Variants in PM20D2 observed in about 807,000 individuals in gnomAD.
PM20D2 encodes xaa-Arg dipeptidase.
A neutral mutation model predicts 42.9 loss-of-function variants in PM20D2; 33 were observed. The ratio of observed to expected loss-of-function variants is 0.77; its 90% CI spans 0.58 to 1.03. The LOEUF is 1.03. Among genes scored for constraint, PM20D2 ranks in the 50% least tolerant of loss-of-function variants. PM20D2 has a pLI of 0.00. For missense variants in PM20D2, 548 were observed against 557.0 expected, an observed-to-expected ratio of 0.98 and a Z score of 0.16; for synonymous variants, 250 against 228.2, an observed-to-expected ratio of 1.10 and a Z score of -0.86.
chr6:89,153,000 CAAT>C, intron 2 of PM20D2, 40 bp from the exon 3 acceptor site: 1 of 1,478,576 alleles, frequency 6.8e-7, no homozygotes, highest in Non-Finnish European at 9.2e-7. Flanking sequence ...CTTACTTTAG[CAAT>C]AATAACAAAA....
intron 2 of PM20D2, 34 bp from the exon 3 acceptor site, chr6:89,153,009 C>A: frequency 6.5e-7 from 1 of 1,531,646 alleles, no homozygotes; most frequent in East Asian, 2.3e-5. Flanking sequence ...GCAATAATAA[C>A]AAAAGTAATT....
At chr6:89,130,322 C>T in the PM20D2 span, among the ~76,000 whole-genome samples, 2 of 151,932 alleles carry the variant, frequency 1.3e-5, no homozygotes, top group Non-Finnish European at 2.9e-5. Flanking sequence ...TGGTCTCAAA[C>T]TCCTGTGCTC....
At chr6:89,120,174 C>T in the PM20D2 span, among the ~76,000 whole-genome samples, 13 of 152,174 alleles carry the variant, frequency 8.5e-5, no homozygotes, top group Non-Finnish European at 1.5e-4. Context: ...TCCCACAATA[C>T]GTGGGAATTA....
chr6:89,155,460 T>C (rs974507029), intron 4 of PM20D2, among the ~76,000 whole-genome samples: 2 of 151,446 alleles, frequency 1.3e-5, no homozygotes, highest in African/African-American at 4.9e-5. Context: ...GCTAATTTTT[T>C]GTATGTTTTT....
chr6:89,128,088 A>G, the PM20D2 span, among the ~76,000 whole-genome samples: 2,355 of 152,312 alleles, frequency 0.015, 59 homozygotes, highest in African/African-American at 0.052. Flanking sequence ...AGGGAACAAG[A>G]GAAGATAACC....
the PM20D2 span, chr6:89,105,010 C>G: frequency 6.3e-6 from 7 of 1,104,426 alleles, no homozygotes; most frequent in Admixed American, 1.5e-4. Context: ...GGGCCATGAT[C>G]GCACACTACT....
the PM20D2 span, chr6:89,098,812 G>A: frequency 6.2e-7 from 1 of 1,613,896 alleles, no homozygotes; most frequent in East Asian, 2.2e-5. Flanking sequence ...TCTTTTGTAA[G>A]GACTTGGACC....
intron 5 of PM20D2, among the ~76,000 whole-genome samples, chr6:89,160,570 G>C (rs1038055736): frequency 2.0e-5 from 3 of 152,158 alleles, no homozygotes; most frequent in African/African-American, 7.2e-5. Flanking sequence ...TGTTTTTACT[G>C]TGATTTATTC....
intron 4 of PM20D2, 91 bp from the exon 5 acceptor site, chr6:89,158,234 C>T: frequency 1.7e-6 from 2 of 1,163,942 alleles, no homozygotes; most frequent in Non-Finnish European, 2.4e-6. Context: ...CTCTTAAAAC[C>T]TCTTCCTATT....
the PM20D2 span, chr6:89,107,320 C>T: frequency 3.1e-6 from 4 of 1,310,178 alleles, no homozygotes; most frequent in South Asian, 2.5e-5. Context: ...ATTTTGCCTA[C>T]AGAAATCCAC....
chr6:89,140,480 C>T, the PM20D2 span, among the ~76,000 whole-genome samples: 1 of 135,922 alleles, frequency 7.4e-6, no homozygotes, highest in Non-Finnish European at 1.6e-5. Flanking sequence ...TCGAGGTGAA[C>T]ACATTGCTTG....
intron 4 of PM20D2, among the ~76,000 whole-genome samples, chr6:89,155,615 G>C (rs1045497977): frequency 1.3e-5 from 2 of 152,158 alleles, no homozygotes; most frequent in Non-Finnish European, 2.9e-5. Context: ...TGAAGTTAGG[G>C]TGTGTATAGT....
the PM20D2 span, among the ~76,000 whole-genome samples, chr6:89,137,097 T>C: frequency 6.6e-6 from 1 of 151,312 alleles, no homozygotes; most frequent in Admixed American, 6.6e-5. Flanking sequence ...ACTGAAACTT[T>C]ACCAACAATT....
the PM20D2 span, among the ~76,000 whole-genome samples, chr6:89,133,137 G>T: frequency 0.048 from 7,261 of 150,094 alleles, 442 homozygotes; most frequent in African/African-American, 0.096. Flanking sequence ...GCTGAGGTGG[G>T]AGGAACACTT....
the PM20D2 span, chr6:89,117,759 T>C: frequency 3.5e-5 from 51 of 1,474,250 alleles, 1 homozygote; most frequent in South Asian, 4.8e-4. Context: ...TCGGCCGTGC[T>C]CCGCGGCGCG....
upstream of PM20D2, chr6:89,146,001 A>T: frequency 1.6e-6 from 1 of 633,546 alleles, no homozygotes; most frequent in Admixed American, 4.4e-5. Flanking sequence ...CGGCCCCGGG[A>T]CTGGGGGTGG....
chr6:89,099,407 T>C, the PM20D2 span, among the ~76,000 whole-genome samples: 1 of 89,554 alleles, frequency 1.1e-5, no homozygotes, highest in Non-Finnish European at 2.6e-5. Context: ...TCTCTCCATA[T>C]ATATATACAT....
the PM20D2 span, chr6:89,107,026 T>C: frequency 3.0e-6 from 3 of 997,036 alleles, no homozygotes; most frequent in South Asian, 4.1e-5. Context: ...GCTTTAGATC[T>C]TCTGAGATAA....
chr6:89,161,736 A>G, intron 5 of PM20D2, 47 bp from the exon 6 acceptor site: 1 of 1,412,452 alleles, frequency 7.1e-7, no homozygotes. Flanking sequence ...CAGAATACTT[A>G]ACCACATATA....
Sources: gnomAD v4.1 joint callset for allele counts (sites outside exome capture counted in the v4.1 genomes callset) on GRCh38, gnomAD v4.1.1 for gene constraint, MANE v1.5 for transcripts, NCBI Gene and HGNC (gene_info 2026-07-23, HGNC 2026-07-21) for gene names.